Variants in LRBA observed in about 807,000 individuals in gnomAD.
LRBA encodes the protein lipopolysaccharide-responsive and beige-like anchor protein.
A neutral mutation model predicts 330.0 loss-of-function variants in LRBA; 176 were observed. The ratio of observed to expected loss-of-function variants is 0.53; its 90% confidence interval spans 0.47 to 0.60. LRBA has a LOEUF of 0.60. Ranked by LOEUF, LRBA falls within the 20% of genes least tolerant of loss-of-function variation. LRBA has a pLI of 0.00. For synonymous variants in LRBA, 1,230 were observed against 1,193.0 expected (o/e 1.03, Z -0.64); for missense variants, 3,259 against 3,444.8 (o/e 0.95, Z 1.35).
At chr4:150,595,284 G>A (rs995759307) in intron 38 of LRBA, among the ~76,000 whole-genome samples, 1 of 151,832 alleles carries the variant, frequency 6.6e-6, no homozygotes, top group Admixed American at 6.6e-5. Flanking sequence ...GGTGCATCTC[G>A]TAATAATCAT....
At chr4:150,378,723 CAGGTAA>C (rs1283641877) in intron 47 of LRBA, among the ~76,000 whole-genome samples, 1 of 152,142 alleles carries the variant, frequency 6.6e-6, no homozygotes, top group Non-Finnish European at 1.5e-5. Context: ...GTTAAACATA[CAGGTAA>C]TGTAGAGAAA....
At chr4:150,816,365 A>G (rs1160816812) in intron 31 of LRBA, among the ~76,000 whole-genome samples, 1 of 151,978 alleles carries the variant, frequency 6.6e-6, no homozygotes, top group African/African-American at 2.4e-5. Context: ...CCACTGATAC[A>G]GTAACATCCC....
At chr4:150,770,940 T>C (rs962756396) in intron 34 of LRBA, among the ~76,000 whole-genome samples, 22 of 152,176 alleles carry the variant, frequency 1.4e-4, no homozygotes, top group African/African-American at 5.1e-4. Context: ...TTACTTTTAT[T>C]GTGGTATAGT....
chr4:150,739,899 G>C (rs905985744), intron 35 of LRBA, among the ~76,000 whole-genome samples: 3 of 152,118 alleles, frequency 2.0e-5, no homozygotes, highest in African/African-American at 7.2e-5. Flanking sequence ...TGCAACTCTG[G>C]CCAGCACCTC....
At chr4:150,888,747 G>C (rs1315479957) in intron 17 of LRBA, among the ~76,000 whole-genome samples, 1 of 151,966 alleles carries the variant, frequency 6.6e-6, no homozygotes, top group Admixed American at 6.6e-5. Flanking sequence ...GGGATAAATA[G>C]AAAACAAATA....
intron 34 of LRBA, among the ~76,000 whole-genome samples, chr4:150,789,964 T>G (rs1045929614): frequency 7.2e-5 from 11 of 152,276 alleles, no homozygotes; most frequent in African/African-American, 2.4e-4. Context: ...TTCCTAACTC[T>G]CTTCTTAATC....
At chr4:150,443,436 T>C (rs1023225222) in intron 44 of LRBA, among the ~76,000 whole-genome samples, 2 of 152,116 alleles carry the variant, frequency 1.3e-5, no homozygotes, top group Non-Finnish European at 2.9e-5. Flanking sequence ...CAGCAAAGAC[T>C]TGGAACCAAC....
intron 2 of LRBA, among the ~76,000 whole-genome samples, chr4:150,964,200 G>A (rs1738604927): frequency 6.7e-6 from 1 of 148,362 alleles, no homozygotes; most frequent in Non-Finnish European, 1.5e-5. Flanking sequence ...CCCCATCTGG[G>A]AAGTGAGAAG....
In LRBA at chr4:150,583,028, A is replaced by G; in HGVS notation, c.6330+5020T>C. On this transcript the variant is annotated intron_variant, in intron 40 of 56. Coordinates refer to ENST00000651943, the MANE Select transcript of LRBA (RefSeq NM_001364905.1). This position sits in a 1 kb window ranked among gnomAD's most constrained non-coding sequence, Gnocchi z 9.8. ...GTGTATAGCCCGGACCTGTGCCCCAACATGATCGCCGCTCAGGCCAAGCTG... is the reference window on the plus strand; with the variant it reads ...GTGTATAGCCCGGACCTGTGCCCCAGCATGATCGCCGCTCAGGCCAAGCTG... 6.3e-7 allele frequency: 1 copy of G among 1,586,242 alleles called. No individual in the cohort carries two copies. The highest frequency in any genetic ancestry group is 8.6e-7 in the Non-Finnish European group (1 of 1,164,636).
intron 46 of LRBA, among the ~76,000 whole-genome samples, chr4:150,417,246 G>A (rs369676244): frequency 1.6e-4 from 25 of 151,828 alleles, no homozygotes; most frequent in African/African-American, 5.8e-4. Context: ...TACAGCAATT[G>A]TTATATAAAT....
intron 40 of LRBA, among the ~76,000 whole-genome samples, chr4:150,504,444 T>C (rs1760759394): frequency 6.6e-6 from 1 of 152,214 alleles, no homozygotes; most frequent in Non-Finnish European, 1.5e-5. Flanking sequence ...ATATTCAACA[T>C]TCTTAAAGAA....
intron 2 of LRBA, among the ~76,000 whole-genome samples, chr4:150,932,906 A>G (rs1304540996): frequency 6.6e-6 from 1 of 152,094 alleles, no homozygotes; most frequent in Non-Finnish European, 1.5e-5. Context: ...ACAGAGTGAG[A>G]CCTTGTCTCA....
At chr4:150,942,427 C>G (rs989888214) in intron 2 of LRBA, among the ~76,000 whole-genome samples, 2 of 152,138 alleles carry the variant, frequency 1.3e-5, no homozygotes, top group East Asian at 3.9e-4. Flanking sequence ...TTAACGTTTT[C>G]TTAAGGCCCA....
chr4:150,735,055 T>G (rs566955709), intron 36 of LRBA, among the ~76,000 whole-genome samples: 55 of 152,298 alleles, frequency 3.6e-4, no homozygotes, highest in African/African-American at 1.3e-3. Context: ...GCTTCTGTGG[T>G]AGCTCAACTA....
intron 51 of LRBA, chr4:150,315,299 T>G (rs1383911806): frequency 1.9e-6 from 1 of 531,478 alleles, no homozygotes; most frequent in Non-Finnish European, 3.3e-6. Flanking sequence ...TTCATGCGCA[T>G]TCTCAATCAC....
At chr4:150,952,301 G>A (rs1355164068) in intron 2 of LRBA, among the ~76,000 whole-genome samples, 1 of 152,102 alleles carries the variant, frequency 6.6e-6, no homozygotes, top group Non-Finnish European at 1.5e-5. Flanking sequence ...GAGATAGGTA[G>A]AGACAAATGA....
chr4:150,568,991 AC>A (rs1769505171), intron 40 of LRBA, among the ~76,000 whole-genome samples: 1 of 152,140 alleles, frequency 6.6e-6, no homozygotes, highest in Non-Finnish European at 1.5e-5. Flanking sequence ...TGAGCAAGAG[AC>A]CCAACCTTCC....
At chr4:150,876,845 AATCTCACATATCAAT>A (rs1754085953) in intron 17 of LRBA, among the ~76,000 whole-genome samples, 1 of 152,222 alleles carries the variant, frequency 6.6e-6, no homozygotes, top group South Asian at 2.1e-4. Flanking sequence ...ATAGGATCAA[AATCTCACATATCAAT>A]ATTAACTATG....
At chr4:150,604,975 G>T (rs1182132185) in intron 37 of LRBA, among the ~76,000 whole-genome samples, 1 of 152,174 alleles carries the variant, frequency 6.6e-6, no homozygotes, top group Admixed American at 6.5e-5. Flanking sequence ...ATATTAGGAA[G>T]ATGCTTGGTT....
Sources: allele counts gnomAD v4.1 joint callset (sites outside exome capture counted in the v4.1 genomes callset), GRCh38; gene constraint gnomAD v4.1.1; non-coding constraint Gnocchi (gnomAD v3.1); transcripts MANE v1.5; gene names NCBI Gene and HGNC (gene_info 2026-07-23, HGNC 2026-07-21).